CCDC7: variants seen among roughly 807,000 people sequenced by gnomAD.
CCDC7 encodes the protein coiled-coil domain containing 7.
CCDC7 carries 183 observed loss-of-function variants against 196.9 expected under a neutral mutation model. The observed-to-expected ratio is 0.93, with a 90% confidence interval of 0.82 to 1.05. The LOEUF is 1.05. CCDC7 is among the 50% of genes least tolerant of loss of function. The pLI is 0.00. For synonymous variants in CCDC7, 525 were observed against 484.6 expected (o/e 1.08, Z -1.10); for missense variants, 1,540 against 1,482.2 (o/e 1.04, Z -0.64).
intron 21 of CCDC7, among the ~76,000 whole-genome samples, 190 bp from the exon 23 acceptor site, chr10:32,685,780 G>T (rs1338012599): frequency 6.6e-6 from 1 of 152,032 alleles, no homozygotes; most frequent in South Asian, 2.1e-4. Flanking sequence ...AAGTGAGAAA[G>T]CATCAACATA....
intron 33 of CCDC7, among the ~76,000 whole-genome samples, chr10:32,840,098 G>A (rs1241596542): frequency 1.3e-5 from 2 of 151,636 alleles, no homozygotes; most frequent in Non-Finnish European, 2.9e-5. Flanking sequence ...TCACGGAACT[G>A]GAGAAACAAG....
At chr10:32,460,722 G>A (rs945353210) in intron 3 of CCDC7, among the ~76,000 whole-genome samples, 1 of 152,122 alleles carries the variant, frequency 6.6e-6, no homozygotes, top group Non-Finnish European at 1.5e-5. Flanking sequence ...CACTTTTTGC[G>A]TAGATTTATG....
At chr10:32,728,980 G>T (rs1158924959) in exon 27 of CCDC7, 1 of 1,592,014 alleles carries the variant, frequency 6.3e-7, no homozygotes, top group Admixed American at 1.7e-5. Flanking sequence ...ATAAATTCTG[G>T]AGTGGAAAGA....
intron 8 of CCDC7, among the ~76,000 whole-genome samples, chr10:32,482,027 A>T (rs1442494942): frequency 6.6e-6 from 1 of 151,410 alleles, no homozygotes. Flanking sequence ...TATCTTTCTG[A>T]TGTTTATATC....
intron 8 of CCDC7, among the ~76,000 whole-genome samples, chr10:32,489,481 G>A (rs2041819655): frequency 6.6e-6 from 1 of 152,194 alleles, no homozygotes; most frequent in Admixed American, 6.5e-5. Flanking sequence ...GCCCACATGT[G>A]TACTGAGAGA....
At chr10:32,740,266 A>G (rs2085605289) in intron 28 of CCDC7, among the ~76,000 whole-genome samples, 1 of 152,184 alleles carries the variant, frequency 6.6e-6, no homozygotes, top group African/African-American at 2.4e-5. Context: ...CCTTGAGTGT[A>G]GTCTTTTGTT....
chr10:32,653,370 C>T (rs753948848), intron 20 of CCDC7, among the ~76,000 whole-genome samples: 28 of 151,942 alleles, frequency 1.8e-4, no homozygotes, highest in Admixed American at 4.6e-4. Flanking sequence ...AATACAGCCC[C>T]CACCCCCTGA....
intron 17 of CCDC7, 23 bp downstream of exon 18, chr10:32,583,330 A>G: frequency 8.3e-7 from 1 of 1,206,272 alleles, no homozygotes; most frequent in Non-Finnish European, 1.0e-6. Flanking sequence ...TAGAAACTTG[A>G]AAGCTGTTTA....
chr10:32,746,616 G>A (rs2074784803), intron 28 of CCDC7, among the ~76,000 whole-genome samples: 1 of 152,120 alleles, frequency 6.6e-6, no homozygotes, highest in Non-Finnish European at 1.5e-5. Context: ...CCTCTCCTGG[G>A]GTCCCTGCCT....
At chr10:32,468,803 C>T (rs559153174) in intron 5 of CCDC7, among the ~76,000 whole-genome samples, 9 of 152,260 alleles carry the variant, frequency 5.9e-5, no homozygotes, top group African/African-American at 1.9e-4. Context: ...TTCTTATGCA[C>T]ACTAACATTT....
intron 11 of CCDC7, among the ~76,000 whole-genome samples, chr10:32,525,458 T>C (rs1308374679): frequency 3.3e-5 from 5 of 152,348 alleles, no homozygotes; most frequent in African/African-American, 1.2e-4. Context: ...TCCTTCTCTG[T>C]ATTATCTTGA....
intron 11 of CCDC7, among the ~76,000 whole-genome samples, chr10:32,540,231 A>G (rs2051186032): frequency 6.6e-6 from 1 of 152,154 alleles, no homozygotes; most frequent in South Asian, 2.1e-4. Flanking sequence ...TGTTTAGAAT[A>G]GTTAAATCTT....
chr10:32,845,768 TAC>T (rs145287806), intron 35 of CCDC7, 106 bp from the exon 37 acceptor site: 24,945 of 746,724 alleles, frequency 0.033, 652 homozygotes, highest in African/African-American at 0.18. Flanking sequence ...CTTCCATAAT[TAC>T]ACACACACAC....
intron 20 of CCDC7, among the ~76,000 whole-genome samples, chr10:32,658,745 A>C (rs1181679266): frequency 6.6e-6 from 1 of 152,210 alleles, no homozygotes; most frequent in Non-Finnish European, 1.5e-5. Context: ...TAAGTGAAAT[A>C]ATCCAGGCCC....
At chr10:32,700,638 C>A (rs1460441166) in intron 24 of CCDC7, among the ~76,000 whole-genome samples, 2 of 152,080 alleles carry the variant, frequency 1.3e-5, no homozygotes, top group Non-Finnish European at 2.9e-5. Context: ...CTATAAATTA[C>A]CTTGGGGAAT....
intron 11 of CCDC7, among the ~76,000 whole-genome samples, chr10:32,520,969 A>G (rs1056130897): frequency 2.0e-5 from 3 of 152,110 alleles, no homozygotes; most frequent in African/African-American, 7.2e-5. Flanking sequence ...CATTTATTGA[A>G]GAGACTGTCT....
At chr10:32,827,420 C>T (rs1233645440) in intron 32 of CCDC7, among the ~76,000 whole-genome samples, 1 of 152,204 alleles carries the variant, frequency 6.6e-6, no homozygotes. Flanking sequence ...TAGACACTTA[C>T]TCCGGATATG....
chr10:32,699,471 G>C (rs556476374), intron 24 of CCDC7, among the ~76,000 whole-genome samples: 1 of 149,968 alleles, frequency 6.7e-6, no homozygotes, highest in South Asian at 2.1e-4. Context: ...CATCTGGGTT[G>C]GTTCCAAGTC....
At chr10:32,674,923 T>C (rs1364933820) in intron 21 of CCDC7, among the ~76,000 whole-genome samples, 1 of 152,054 alleles carries the variant, frequency 6.6e-6, no homozygotes. Context: ...ACCGTTTGCA[T>C]GGGATATCTT....
Sources: allele counts gnomAD v4.1 joint callset (sites outside exome capture counted in the v4.1 genomes callset), GRCh38; gene constraint gnomAD v4.1.1; transcripts MANE v1.5; gene names NCBI Gene and HGNC (gene_info 2026-07-23, HGNC 2026-07-21).